Variants in STOML1 observed in about 807,000 individuals in gnomAD.
The protein encoded by STOML1 is stomatin-like protein 1.
Under a neutral mutation model 35.7 loss-of-function variants are expected in STOML1, and 27 were observed. The ratio of observed to expected loss-of-function variants is 0.76; its 90% CI spans 0.56 to 1.04. The LOEUF (loss-of-function observed/expected upper bound fraction) is 1.04, where lower values mean the gene tolerates loss of function less well. STOML1 is among the 50% of genes least tolerant of loss of function. STOML1 has a pLI of 0.00. For missense variants in STOML1, 451 were observed against 527.1 expected (o/e 0.86, Z 1.41); for synonymous variants, 219 against 227.9 (o/e 0.96, Z 0.35).
At chr15:73,991,022 C>A (rs1166604269) in intron 1 of STOML1, 2 of 1,401,864 alleles carry the variant, frequency 1.4e-6, no homozygotes, top group African/African-American at 2.9e-5. Context: ...CTATTCCACA[C>A]CCAACTTTAA....
intron 2 of STOML1, 136 bp from the exon 3 acceptor site, chr15:73,989,393 A>C: frequency 9.3e-7 from 1 of 1,078,410 alleles, no homozygotes; most frequent in East Asian, 2.8e-5. Context: ...TTTCCAGATG[A>C]GAAAACCAAG....
Position 73,981,149 on chromosome 15 carries a change from A to G in STOML1, c.*2788T>C, listed in dbSNP as rs2068955730. 6.6e-6 allele frequency: 1 copy of G among 152,268 alleles called. No individual in the cohort carries two copies. Among genetic ancestry groups the G allele is most frequent in the South Asian group, 2.1e-4 (1 of 4,824 alleles). The allele number at this position is 152,268 out of a possible 1,614,324, so 9.4% of individuals were successfully genotyped here. A position where few individuals can be genotyped will look rare whatever the true frequency, so the allele number is the denominator to read the frequency against. On this transcript the variant is annotated 3_prime_UTR_variant, in exon 7 of 7. Coordinates refer to ENST00000541638, the MANE Select transcript of STOML1 (RefSeq NM_004809.5). ...GGCAGGCAGATCACTTGAGGTCAGG[A>G]GTTCGAGACCAGCCTGGTCAACATG...
chr15:73,982,346 G>A lies in STOML1; in HGVS notation c.*1591C>T, dbSNP rs2068970591. The A allele has an allele frequency of 6.6e-6, 1 of 152,500 alleles. No homozygotes were observed. The highest frequency in any genetic ancestry group is 1.5e-5 in the Non-Finnish European group (1 of 68,252). The allele number at this position is 152,500 out of a possible 1,614,324, so 9.4% of individuals were successfully genotyped here. A position where few individuals can be genotyped will look rare whatever the true frequency, so the allele number is the denominator to read the frequency against. On this transcript the variant is annotated 3_prime_UTR_variant, in exon 7 of 7. Transcript: ENST00000541638. ...TGGAACAGACAGCCTCAGCTAGAAA[G>A]CCCTGGGAGGGCCCATGAGAGGCCT...
rs777996238 is a variant in STOML1, at chr15:73,989,134, G to A, written c.364C>T (p.Arg122Ter). 1.8e-5 allele frequency: 29 copies of A among 1,607,566 alleles called. No homozygotes were observed. In the African/African-American group the frequency reaches 1.9e-4, roughly 10 times the overall value. Reference protein sequence around the residue: ...DSFQRVDLRTRAFNVPPCKLA... With the variant: ...DSFQRVDLRT ...TTGCAGGGAGGGACGTTGAAGGCTC[G>A]TGTCCTCAGATCCACCCTCTGAAAG... Residue 122 changes from arginine to a stop codon, truncating the protein, a stop_gained, in exon 3 of 7, where the codon CGA becomes TGA. Transcript: ENST00000541638. LOFTEE classifies it high-confidence loss of function.
In STOML1 at chr15:73,988,416, G is replaced by A. The variant is rs903784858; in HGVS notation, c.594+183C>T. On this transcript the variant is annotated intron_variant, in intron 4 of 6. Transcript: ENST00000541638. The surrounding 1 kb of genome is among the most constrained non-coding windows in gnomAD (Gnocchi z 4.8). ...TTTGCCCAGGATCGTTATGGTCTAC[G>A]CCCACCTGCCATTCCTCAACTCATG... The A allele has an allele frequency of 4.3e-6, 3 of 694,552 alleles. No individual in the cohort carries two copies. The highest frequency in any genetic ancestry group is 1.9e-5 in the South Asian group (1 of 51,590). 43.0% of individuals were successfully genotyped at this position (694,552 alleles called of 1,614,324 possible).
At chr15:73,992,372 C>G (rs1218442546), upstream of STOML1, 8 of 918,984 alleles carry the variant, frequency 8.7e-6, no homozygotes, top group Non-Finnish European at 1.2e-5. Flanking sequence ...GGAGGCCGGC[C>G]GGGGCCCGCT....
At chr15:73,989,060 TG>T in intron 3 of STOML1, 47 bp downstream of exon 3, 1 of 1,540,724 alleles carries the variant, frequency 6.5e-7, no homozygotes, top group Non-Finnish European at 8.8e-7. Context: ...CAGTACATTC[TG>T]GACAGGCCCC....
chr15:73,989,982 G>T, intron 2 of STOML1: 1 of 206,886 alleles, frequency 4.8e-6, no homozygotes, highest in Non-Finnish European at 9.9e-6. Context: ...GGAAAATGAG[G>T]CCTGAATTCC....
chr15:73,985,734 G>A, intron 4 of STOML1: 1 of 530,374 alleles, frequency 1.9e-6, no homozygotes, highest in Non-Finnish European at 3.2e-6. Flanking sequence ...GGAGGGTGGT[G>A]CCAGCAGGAG....
intron 1 of STOML1, among the ~76,000 whole-genome samples, 160 bp from the exon 2 acceptor site, chr15:73,990,617 G>T (rs1274415060): frequency 6.6e-6 from 1 of 152,116 alleles, no homozygotes. Context: ...GTATCTTTGG[G>T]CAGCTGCAAG....
chr15:73,988,591 C>A lies in STOML1; in HGVS notation c.594+8G>T, dbSNP rs775560629. 1.2e-6 allele frequency: 2 copies of A among 1,614,082 alleles called. No homozygotes were observed. Among genetic ancestry groups the A allele is most frequent in the Middle Eastern group, 1.7e-4 (1 of 6,026 alleles). On this transcript the variant is annotated splice_region_variant and intron_variant, in intron 4 of 6. Coordinates refer to ENST00000541638, the MANE Select transcript of STOML1 (RefSeq NM_004809.5). The surrounding 1 kb of genome is among the most constrained non-coding windows in gnomAD (Gnocchi z 4.8). ...CCCTCAAGCTCCGTCTTGTGAGGGGCTGCCTACCAGAAGCTGGTCGCTGAT... is the reference window on the plus strand; with the variant it reads ...CCCTCAAGCTCCGTCTTGTGAGGGGATGCCTACCAGAAGCTGGTCGCTGAT...
At chr15:73,993,869 T>TC (rs946920798), upstream of STOML1, among the ~76,000 whole-genome samples, 7 of 150,268 alleles carry the variant, frequency 4.7e-5, no homozygotes, top group South Asian at 2.1e-4. Flanking sequence ...TCTCCAGCTC[T>TC]CCCCCTCCCT....
At chr15:73,992,913 T>C (rs2069331617), upstream of STOML1, among the ~76,000 whole-genome samples, 1 of 152,190 alleles carries the variant, frequency 6.6e-6, no homozygotes, top group Non-Finnish European at 1.5e-5. Context: ...ATCTGGACTT[T>C]GGGTTTCTCT....
chr15:73,991,154 A>C (rs1595866553), intron 1 of STOML1: 1 of 360,080 alleles, frequency 2.8e-6, no homozygotes, highest in Non-Finnish European at 3.9e-6. Context: ...AAAACAAAAA[A>C]AAACCCTGCC....
chr15:73,989,575 C>T, intron 2 of STOML1, among the ~76,000 whole-genome samples: 1 of 152,200 alleles, frequency 6.6e-6, no homozygotes. Context: ...AGACATGACT[C>T]ATACCAGGAA....
chr15:73,989,135 T>G lies in STOML1; in HGVS notation c.363A>C (p.Thr121=). Residue 121 remains threonine (T), a synonymous_variant, in exon 3 of 7, where the codon ACA becomes ACC. Coordinates refer to ENST00000541638, the MANE Select transcript of STOML1 (RefSeq NM_004809.5). The part of the protein sequence containing the change: ...IDSFQRVDLR[T]RAFNVPPCKL... ...TGCAGGGAGGGACGTTGAAGGCTCG[T>G]GTCCTCAGATCCACCCTCTGAAAGG... The G allele has an allele frequency of 1.2e-6, 2 of 1,607,954 alleles. No homozygotes were observed. Among genetic ancestry groups the G allele is most frequent in the Non-Finnish European group, 1.7e-6 (2 of 1,176,826 alleles).
At position 73,979,146 on chromosome 15, in the gene STOML1, A is replaced by G. The variant is rs915224532; in HGVS notation, c.*4791T>C. 6.6e-6 allele frequency: 1 copy of G among 152,194 alleles called. No individual in the cohort carries two copies. Among genetic ancestry groups the G allele is most frequent in the Non-Finnish European group, 1.5e-5 (1 of 68,028 alleles). The allele number at this position is 152,194 out of a possible 1,614,324, so 9.4% of individuals were successfully genotyped here. ...AGAGTACTGTGCACTCATTTCATTCATATGAAATGCTAGAAAAGTGAAATG... is the reference window on the plus strand; with the variant it reads ...AGAGTACTGTGCACTCATTTCATTCGTATGAAATGCTAGAAAAGTGAAATG... On this transcript the variant is annotated 3_prime_UTR_variant, in exon 7 of 7. Transcript: ENST00000541638.
At chr15:73,984,931 G>T (rs546992352) in intron 5 of STOML1, 60 bp from the exon 6 acceptor site, 153 of 1,591,296 alleles carry the variant, frequency 9.6e-5, no homozygotes, top group Middle Eastern at 1.9e-4. Flanking sequence ...TGTTGCCAAG[G>T]TCAGGACCAC....
In STOML1 at chr15:73,982,768, G is replaced by C. The variant is rs2068975653; in HGVS notation, c.*1169C>G. 1 of 152,258 alleles carries C rather than the reference G, an allele frequency of 6.6e-6. No homozygotes were observed. The allele number at this position is 152,258 out of a possible 1,614,324, so 9.4% of individuals were successfully genotyped here. A position where few individuals can be genotyped will look rare whatever the true frequency, so the allele number is the denominator to read the frequency against. The stretch of plus-strand genomic sequence containing the variant: ...GAGGCCCCCTTCTCTGGGGCCCCTG[G>C]GGTTTGGGCGAGAGTACTGGAGCAG... On this transcript the variant is annotated 3_prime_UTR_variant, in exon 7 of 7. Transcript: ENST00000541638.
Sources: gnomAD v4.1 joint callset for allele counts (sites outside exome capture counted in the v4.1 genomes callset) on GRCh38, gnomAD v4.1.1 for gene constraint, Gnocchi (gnomAD v3.1) non-coding constraint, MANE v1.5 for transcripts, NCBI Gene and HGNC (gene_info 2026-07-23, HGNC 2026-07-21) for gene names.